RALGPS2: variants seen among roughly 807,000 people sequenced by gnomAD.
RALGPS2 encodes Ral GEF with PH domain and SH3 binding motif 2.
In RALGPS2, 43 loss-of-function variants were observed where a neutral mutation model predicts 86.8. The observed-to-expected ratio is 0.50, with a 90% CI of 0.39 to 0.64. The LOEUF (loss-of-function observed/expected upper bound fraction) is 0.64, where lower values mean the gene tolerates loss of function less well. RALGPS2 is among the 30% of genes least tolerant of loss of function. RALGPS2 has a pLI of 0.00. For missense variants in RALGPS2, 536 were observed against 694.6 expected, an observed-to-expected ratio of 0.77 and a Z score of 2.57; for synonymous variants, 243 against 231.3, an observed-to-expected ratio of 1.05 and a Z score of -0.46.
chr1:178,815,902 C>T (rs773799511), intron 6 of RALGPS2, among the ~76,000 whole-genome samples: 5 of 152,186 alleles, frequency 3.3e-5, no homozygotes, highest in Non-Finnish European at 5.9e-5. Context: ...GAGATTCATC[C>T]ACATTGCATG....
chr1:178,756,225 T>A (rs1345739173), intron 1 of RALGPS2, among the ~76,000 whole-genome samples: 1 of 152,174 alleles, frequency 6.6e-6, no homozygotes, highest in Non-Finnish European at 1.5e-5. Flanking sequence ...TAGTCATAAG[T>A]TATTTCCCAA....
chr1:178,748,243 C>T (rs1269750598), intron 1 of RALGPS2, among the ~76,000 whole-genome samples: 1 of 151,222 alleles, frequency 6.6e-6, no homozygotes, highest in African/African-American at 2.4e-5. Flanking sequence ...TCCCTTGAAC[C>T]TGGGAGGTGG....
At chr1:178,728,471 C>T (rs1281380073) in intron 1 of RALGPS2, among the ~76,000 whole-genome samples, 2 of 143,386 alleles carry the variant, frequency 1.4e-5, no homozygotes, top group Admixed American at 7.2e-5. Flanking sequence ...TAATGATACA[C>T]AGTTTGAGAA....
intron 5 of RALGPS2, 79 bp from the exon 6 acceptor site, chr1:178,811,236 C>T (rs1464979656): frequency 9.5e-6 from 11 of 1,155,370 alleles, no homozygotes; most frequent in Non-Finnish European, 1.3e-5. Flanking sequence ...CCTAATTCTG[C>T]CAAAATTTTT....
At chr1:178,898,432 A>G (rs928973078) in intron 17 of RALGPS2, among the ~76,000 whole-genome samples, 2 of 151,970 alleles carry the variant, frequency 1.3e-5, no homozygotes, top group African/African-American at 4.8e-5. Flanking sequence ...AACTTAACCA[A>G]ATGATACTGT....
rs768591296 is a variant in RALGPS2 at position 178,852,821 on chromosome 1, T to C, written c.607+19271T>C. 115 of 1,613,996 alleles carry C rather than the reference T, an allele frequency of 7.1e-5. 1 individual carries two copies. Among genetic ancestry groups the C allele is most frequent in the South Asian group, 5.8e-4 (53 of 91,080 alleles). On this transcript the variant is annotated intron_variant, in intron 8 of 19. Coordinates refer to ENST00000367635, the MANE Select transcript of RALGPS2 (RefSeq NM_152663.5). ...CTTTCAGGTTCCAGACGAAAGCTGC[T>C]GTATTCTGCATAGACTTTTTTATCA...
chr1:178,819,290 G>A (rs1224611549), intron 6 of RALGPS2, among the ~76,000 whole-genome samples: 1 of 152,110 alleles, frequency 6.6e-6, no homozygotes, highest in African/African-American at 2.4e-5. Context: ...ACCATGGCTG[G>A]CCTCTGTTTA....
intron 4 of RALGPS2, among the ~76,000 whole-genome samples, chr1:178,790,276 G>T (rs1002001978): frequency 6.6e-6 from 1 of 152,114 alleles, no homozygotes; most frequent in Non-Finnish European, 1.5e-5. Context: ...TATTAGTCTC[G>T]TGTGAACACT....
Position 178,735,092 on chromosome 1 carries a change from TCAA to T in RALGPS2, c.-84+9683_-84+9685del, listed in dbSNP as rs1406354424. The stretch of plus-strand genomic sequence containing the variant: ...CAGCTGGAAACAACCCAAATGTCTG[TCAA>T]CAACAACAAAAAAAGGGGATAAATA... On this transcript the variant is annotated intron_variant, in intron 1 of 19. Coordinates refer to ENST00000367635, the MANE Select transcript of RALGPS2 (RefSeq NM_152663.5). Among the ~76,000 whole-genome samples the T allele has an allele frequency of 2.6e-5, 4 of 152,154 alleles. No individual in the cohort carries two copies. The East Asian group carries it at 7.7e-4, about 29-fold the overall frequency.
Position 178,878,975 on chromosome 1 carries a change from G to A in RALGPS2, c.819G>A (p.Val273=). Residue 273 remains valine, a synonymous_variant, in exon 10 of 20, where the codon GTG becomes GTA. Transcript: ENST00000367635. ...VQYIEELQKF[V]EDDNYKLSLK... ...ATATAGAAGAACTACAAAAATTTGT[G>A]GAAGACGATAATTACAAGTAGGTTG... The A allele has an allele frequency of 1.9e-6, 3 of 1,612,098 alleles. No individual in the cohort carries two copies. The highest frequency in any genetic ancestry group is 2.5e-6 in the Non-Finnish European group (3 of 1,179,280).
intron 8 of RALGPS2, among the ~76,000 whole-genome samples, chr1:178,841,249 C>T (rs1160247678): frequency 6.6e-6 from 1 of 151,586 alleles, no homozygotes; most frequent in Non-Finnish European, 1.5e-5. Context: ...CAAAAATCCT[C>T]AATAAAATAC....
At chr1:178,870,217 A>G (rs1254892410) in intron 8 of RALGPS2, among the ~76,000 whole-genome samples, 1 of 152,174 alleles carries the variant, frequency 6.6e-6, no homozygotes, top group Non-Finnish European at 1.5e-5. Flanking sequence ...ATATTTGGTT[A>G]TACTGTAATT....
chr1:178,789,434 T>C (rs571075776), intron 4 of RALGPS2, among the ~76,000 whole-genome samples: 1 of 152,352 alleles, frequency 6.6e-6, no homozygotes, highest in South Asian at 2.1e-4. Context: ...GTAGTTGATA[T>C]TCTCTGGGAT....
intron 1 of RALGPS2, among the ~76,000 whole-genome samples, chr1:178,761,904 A>T (rs1434379410): frequency 6.6e-6 from 1 of 152,054 alleles, no homozygotes; most frequent in African/African-American, 2.4e-5. Flanking sequence ...GGTATTTGTT[A>T]TGTAGGTCAA....
intron 8 of RALGPS2, chr1:178,851,045 C>T: frequency 1.6e-6 from 2 of 1,262,142 alleles, no homozygotes; most frequent in Non-Finnish European, 2.1e-6. Context: ...TAAATTGTGC[C>T]AAGTAATATA....
At chr1:178,730,947 C>A (rs772088476) in intron 1 of RALGPS2, among the ~76,000 whole-genome samples, 10 of 152,276 alleles carry the variant, frequency 6.6e-5, no homozygotes, top group Admixed American at 1.3e-4. Flanking sequence ...ATTCGCCCAC[C>A]TCAGGCTCCC....
chr1:178,832,761 T>C (rs1440072919), intron 7 of RALGPS2, among the ~76,000 whole-genome samples: 1 of 151,728 alleles, frequency 6.6e-6, no homozygotes, highest in Non-Finnish European at 1.5e-5. Context: ...GTGAACACCA[T>C]TGTGGGTGAC....
At chr1:178,798,975 G>C (rs34181333) in intron 4 of RALGPS2, among the ~76,000 whole-genome samples, 23,140 of 152,162 alleles carry the variant, frequency 0.15, 2,049 homozygotes, top group East Asian at 0.31. Flanking sequence ...AGCAGCAGCA[G>C]ACAGGCTCCC....
chr1:178,888,641 G>A (rs552751654), intron 13 of RALGPS2, among the ~76,000 whole-genome samples: 2 of 152,196 alleles, frequency 1.3e-5, no homozygotes, highest in South Asian at 2.1e-4. Context: ...ACCACCACGG[G>A]TTACCTCTGG....
Sources: gnomAD v4.1 joint callset for allele counts (sites outside exome capture counted in the v4.1 genomes callset) on GRCh38, gnomAD v4.1.1 for gene constraint, MANE v1.5 for transcripts, NCBI Gene and HGNC (gene_info 2026-07-23, HGNC 2026-07-21) for gene names.